SPAG9: variants seen among roughly 807,000 people sequenced by gnomAD.
SPAG9 encodes C-Jun-amino-terminal kinase-interacting protein 4.
A neutral mutation model predicts 166.5 loss-of-function variants in SPAG9; 35 were observed. The ratio of observed to expected loss-of-function variants is 0.21; its 90% confidence interval spans 0.16 to 0.28. The LOEUF (loss-of-function observed/expected upper bound fraction) is 0.28. Ranked by LOEUF, SPAG9 falls within the 10% of genes least tolerant of loss-of-function variation. SPAG9 has a pLI of 1.00. For missense variants in SPAG9, 1,235 were observed against 1,603.3 expected (o/e 0.77, Z 3.92); for synonymous variants, 534 against 565.5 (o/e 0.94, Z 0.79).
intron 19 of SPAG9, among the ~76,000 whole-genome samples, chr17:50,993,095 CAAAAAAA>C (rs71149332): frequency 1.3e-5 from 1 of 75,578 alleles, no homozygotes. Flanking sequence ...GACTCCATCT[CAAAAAAA>C]AAAAAAAAAA....
intron 3 of SPAG9, among the ~76,000 whole-genome samples, chr17:51,051,649 G>A (rs1336498467): frequency 2.6e-5 from 4 of 152,086 alleles, no homozygotes; most frequent in Admixed American, 2.6e-4. Context: ...GAACCCTGGA[G>A]GCGGAGGTTG....
intron 29 of SPAG9, among the ~76,000 whole-genome samples, chr17:50,967,637 T>C (rs1973460996): frequency 6.6e-6 from 1 of 152,240 alleles, no homozygotes; most frequent in African/African-American, 2.4e-5. Flanking sequence ...GCTGTCGCCA[T>C]TTCTCTTCTG....
chr17:51,019,394 A>C (rs2045840938), intron 8 of SPAG9, among the ~76,000 whole-genome samples: 1 of 152,084 alleles, frequency 6.6e-6, no homozygotes, highest in Non-Finnish European at 1.5e-5. Flanking sequence ...CTCTACTAAA[A>C]ATACAAAAAA....
At chr17:50,992,245 C>T (rs1380409340) in intron 19 of SPAG9, among the ~76,000 whole-genome samples, 1 of 151,990 alleles carries the variant, frequency 6.6e-6, no homozygotes, top group Non-Finnish European at 1.5e-5. Context: ...ATGAATGTGC[C>T]TATTCTAGAT....
At chr17:51,053,580 G>C (rs939498424) in intron 3 of SPAG9, among the ~76,000 whole-genome samples, 5 of 151,732 alleles carry the variant, frequency 3.3e-5, no homozygotes, top group Non-Finnish European at 7.4e-5. Context: ...AGCTACTCAG[G>C]AGGCTGAGGC....
chr17:50,969,744 C>G (rs946436674), intron 29 of SPAG9, among the ~76,000 whole-genome samples: 1 of 152,114 alleles, frequency 6.6e-6, no homozygotes, highest in Admixed American at 6.5e-5. Flanking sequence ...GGAGTGCCAA[C>G]CCCTGGTCCT....
chr17:51,016,843 G>A (rs2045717798), intron 8 of SPAG9, among the ~76,000 whole-genome samples: 1 of 152,090 alleles, frequency 6.6e-6, no homozygotes, highest in Admixed American at 6.5e-5. Context: ...AGAGGTTGCA[G>A]TGAGCCGAGA....
Position 50,985,006 on chromosome 17 carries a change from G to A in SPAG9, c.3021-16C>T. 2 of 1,613,310 alleles carry A rather than the reference G, an allele frequency of 1.2e-6. No homozygotes were observed. Among genetic ancestry groups the A allele is most frequent in the Non-Finnish European group, 8.5e-7 (1 of 1,179,290 alleles). On this transcript the variant is annotated splice_polypyrimidine_tract_variant and intron_variant, in intron 23 of 29. Transcript: ENST00000262013. ...CTTCACGTGTCTGCAAACAGGAAAG[G>A]GGAGTTCAGAACTCTCCATTCAGGA...
chr17:50,993,094 TCAA>T (rs1975744931), intron 19 of SPAG9, among the ~76,000 whole-genome samples: 1 of 79,634 alleles, frequency 1.3e-5, no homozygotes. Flanking sequence ...AGACTCCATC[TCAA>T]AAAAAAAAAA....
At chr17:51,011,349 T>C (rs1390814074) in intron 9 of SPAG9, among the ~76,000 whole-genome samples, 2 of 151,544 alleles carry the variant, frequency 1.3e-5, no homozygotes, top group Non-Finnish European at 2.9e-5. Flanking sequence ...GATTCAAATT[T>C]GTTATCACTG....
chr17:51,063,042 C>T (rs1221306222), intron 2 of SPAG9, among the ~76,000 whole-genome samples: 2 of 152,310 alleles, frequency 1.3e-5, no homozygotes, highest in South Asian at 4.1e-4. Flanking sequence ...CTCTTTCACA[C>T]ACAAAATTTC....
intron 2 of SPAG9, among the ~76,000 whole-genome samples, chr17:51,077,568 T>C (rs75676841): frequency 0.058 from 8,890 of 152,246 alleles, 772 homozygotes; most frequent in African/African-American, 0.19. Context: ...TCCAGATGAA[T>C]AGTATTCATA....
chr17:51,020,303 G>T, intron 7 of SPAG9, 45 bp from the exon 8 acceptor site: 1 of 1,246,024 alleles, frequency 8.0e-7, no homozygotes, highest in Non-Finnish European at 1.2e-6. Flanking sequence ...ATATTACACA[G>T]TACCCCAATA....
intron 3 of SPAG9, among the ~76,000 whole-genome samples, chr17:51,050,802 C>T (rs898291596): frequency 6.6e-6 from 1 of 151,562 alleles, no homozygotes; most frequent in Non-Finnish European, 1.5e-5. Flanking sequence ...ATAGGACACG[C>T]TTCAGATAAT....
chr17:50,991,592 A>AG (rs1975553421), intron 19 of SPAG9, among the ~76,000 whole-genome samples: 1 of 151,986 alleles, frequency 6.6e-6, no homozygotes, highest in African/African-American at 2.4e-5. Flanking sequence ...CAATATTGGC[A>AG]TTAATATTTA....
intron 1 of SPAG9, among the ~76,000 whole-genome samples, chr17:51,104,662 G>A (rs545766949): frequency 6.6e-6 from 1 of 151,902 alleles, no homozygotes; most frequent in Non-Finnish European, 1.5e-5. Context: ...GGCCGGGTGC[G>A]GTGGCTCACG....
intron 29 of SPAG9, among the ~76,000 whole-genome samples, 170 bp from the exon 30 acceptor site, chr17:50,966,557 T>C (rs1361599591): frequency 1.3e-5 from 2 of 152,172 alleles, no homozygotes; most frequent in African/African-American, 4.8e-5. Context: ...TCCTCACCCA[T>C]ATTCACCCAA....
At chr17:51,061,612 C>CAAAAAAAAA (rs34010166) in intron 2 of SPAG9, among the ~76,000 whole-genome samples, 4 of 31,728 alleles carry the variant, frequency 1.3e-4, no homozygotes, top group African/African-American at 2.1e-4. Context: ...GCTCTGTCTC[C>CAAAAAAAAA]AAAAAAAAAA....
chr17:50,975,930 T>C (rs1974173063), intron 27 of SPAG9: 4 of 1,517,828 alleles, frequency 2.6e-6, no homozygotes, highest in South Asian at 1.2e-5. Flanking sequence ...AAAGGGGACA[T>C]GGAGAGGTGC....
Sources: allele counts gnomAD v4.1 joint callset (sites outside exome capture counted in the v4.1 genomes callset), GRCh38; gene constraint gnomAD v4.1.1; transcripts MANE v1.5; gene names NCBI Gene and HGNC (gene_info 2026-07-23, HGNC 2026-07-21).